The following RNF220 variants were observed in gnomAD, a reference collection of about 807,000 sequenced individuals.
RNF220 encodes E3 ubiquitin-protein ligase RNF220.
In RNF220, 7 loss-of-function variants were observed where a neutral mutation model predicts 67.1. That is an observed-to-expected ratio of 0.10 (90% CI 0.06 to 0.20). RNF220 has a LOEUF of 0.20. RNF220 is among the 10% of genes least tolerant of loss of function. RNF220 has a pLI of 1.00. For missense variants in RNF220, 565 were observed against 740.3 expected (o/e 0.76, Z 2.75); for synonymous variants, 270 against 283.2 (o/e 0.95, Z 0.47).
At position 44,580,359 on chromosome 1, in the gene RNF220, G is replaced by A. The variant is rs145151258; in HGVS notation, c.626-33806G>A. Among the ~76,000 whole-genome samples, 23 of 152,214 alleles carry A rather than the reference G, an allele frequency of 1.5e-4. 1 individual carries two copies. The East Asian group carries it at 4.2e-3, about 28-fold the overall frequency. ...CCTATGGGTCAGGATATTTGAAATC[G>A]GGTCATGTTGGAAATCACTGAATGG... On this transcript the variant is annotated intron_variant, in intron 2 of 14. Transcript: ENST00000361799.
intron 2 of RNF220, among the ~76,000 whole-genome samples, chr1:44,473,745 GTAGC>G (rs1655025483): frequency 6.6e-6 from 1 of 152,088 alleles, no homozygotes; most frequent in African/African-American, 2.4e-5. Context: ...TAATAATATC[GTAGC>G]TATCTCATCC....
At chr1:44,488,336 C>T (rs1656522697) in intron 2 of RNF220, among the ~76,000 whole-genome samples, 1 of 151,570 alleles carries the variant, frequency 6.6e-6, no homozygotes, top group Admixed American at 6.6e-5. Context: ...ACCATGTTGG[C>T]CAGGCTGGTC....
intron 2 of RNF220, among the ~76,000 whole-genome samples, chr1:44,429,044 A>G (rs546904237): frequency 6.6e-6 from 1 of 152,116 alleles, no homozygotes; most frequent in East Asian, 1.9e-4. Flanking sequence ...ATTTTCCCCA[A>G]AACTGTCTTT....
In RNF220 at chr1:44,644,987, C is replaced by T; in HGVS notation, c.1224-8C>T. 6.2e-7 allele frequency: 1 copy of T among 1,613,758 alleles called. No individual in the cohort carries two copies. The highest frequency in any genetic ancestry group is 8.5e-7 in the Non-Finnish European group (1 of 1,179,854). On this transcript the variant is annotated splice_region_variant and splice_polypyrimidine_tract_variant and intron_variant, in intron 9 of 14. Coordinates refer to ENST00000361799, the MANE Select transcript of RNF220 (RefSeq NM_018150.4). ...ACTAGGATCCATTGTCCTTGACCAC[C>T]ATGCCAGATACACAGAGGCTGATGT...
chr1:44,597,111 C>T (rs1009883989), intron 2 of RNF220, among the ~76,000 whole-genome samples: 3 of 152,150 alleles, frequency 2.0e-5, no homozygotes, highest in South Asian at 2.1e-4. Context: ...TAGAGTGCAT[C>T]CAGCTCCAAA....
At chr1:44,524,592 C>G (rs1660215276) in intron 2 of RNF220, among the ~76,000 whole-genome samples, 1 of 152,198 alleles carries the variant, frequency 6.6e-6, no homozygotes, top group Non-Finnish European at 1.5e-5. Flanking sequence ...CTCCCTGCGT[C>G]TTGCTCTGCC....
intron 3 of RNF220, among the ~76,000 whole-genome samples, chr1:44,616,094 A>T (rs457397): frequency 1.3e-5 from 2 of 152,152 alleles, no homozygotes; most frequent in Non-Finnish European, 2.9e-5. Flanking sequence ...TCCCTATGAC[A>T]TGGCAGCTGA....
chr1:44,636,932 C>A (rs1170994822), intron 8 of RNF220, among the ~76,000 whole-genome samples: 1 of 152,260 alleles, frequency 6.6e-6, no homozygotes, highest in African/African-American at 2.4e-5. Flanking sequence ...TTGTTAAACT[C>A]CCCAGCCTTG....
At position 44,527,931 on chromosome 1, in the gene RNF220, A is replaced by C. The variant is rs1212424632; in HGVS notation, c.626-86234A>C. Among the ~76,000 whole-genome samples the C allele has an allele frequency of 5.5e-5, 8 of 145,436 alleles. No individual in the cohort carries two copies. The East Asian group carries it at 1.2e-3, about 21-fold the overall frequency. On this transcript the variant is annotated intron_variant, in intron 2 of 14. Transcript: ENST00000361799. ...ACAGAGCAAGACTCCATCCCAAAAA[A>C]AAAAAAAAAAAAAAAAAAAAGTTAA...
At chr1:44,472,641 T>C (rs1286827083) in intron 2 of RNF220, among the ~76,000 whole-genome samples, 2 of 152,198 alleles carry the variant, frequency 1.3e-5, no homozygotes, top group African/African-American at 4.8e-5. Flanking sequence ...CATTTCTGAG[T>C]GTGCCACACA....
chr1:44,569,706 C>G (rs905013289), intron 2 of RNF220, among the ~76,000 whole-genome samples: 1 of 152,082 alleles, frequency 6.6e-6, no homozygotes, highest in African/African-American at 2.4e-5. Context: ...TGCTGAGAAG[C>G]CAGGGTCTGG....
At chr1:44,632,601 C>G (rs1268621825) in intron 6 of RNF220, 1 of 599,616 alleles carries the variant, frequency 1.7e-6, no homozygotes, top group African/African-American at 1.9e-5. Flanking sequence ...GCCCAAACCT[C>G]TCTAAAGGCC....
In RNF220 at chr1:44,606,604, T is replaced by A. The variant is rs574733661; in HGVS notation, c.626-7561T>A. Reference sequence around the variant, plus strand: ...TCTTGGCTTCAATGACATCACACTTTCCTTGTTTTCATTCTACCTCTTGGC... The same window carrying A: ...TCTTGGCTTCAATGACATCACACTTACCTTGTTTTCATTCTACCTCTTGGC... On this transcript the variant is annotated intron_variant, in intron 2 of 14. Transcript: ENST00000361799. The surrounding 1 kb of genome is among the most constrained non-coding windows in gnomAD (Gnocchi z 4.2). Among the ~76,000 whole-genome samples the A allele has an allele frequency of 3.3e-5, 5 of 152,364 alleles. No individual in the cohort carries two copies. The South Asian group carries it at 1.0e-3, about 32-fold the overall frequency.
At position 44,405,372 on chromosome 1, in the gene RNF220, C is replaced by T. The variant is rs1647235743; in HGVS notation, c.-276C>T. The T allele has an allele frequency of 1.6e-6, 1 of 612,676 alleles. No homozygotes were observed. The highest frequency in any genetic ancestry group is 2.9e-6 in the Non-Finnish European group (1 of 343,400). 38.0% of individuals were successfully genotyped at this position (612,676 alleles called of 1,614,324 possible). ...TCGCGAACACAAACCCGGGGCCAGC[C>T]GCCTACTGCTGCTGCTGCTGCTGCC... On this transcript the variant is annotated 5_prime_UTR_variant, in exon 1 of 15. Transcript: ENST00000361799.
intron 2 of RNF220, among the ~76,000 whole-genome samples, chr1:44,513,053 C>T (rs1659151171): frequency 6.6e-6 from 1 of 152,214 alleles, no homozygotes; most frequent in Non-Finnish European, 1.5e-5. Flanking sequence ...TCTTCTCTGA[C>T]TCTCTGCCCC....
At chr1:44,570,851 G>A (rs270757) in intron 2 of RNF220, among the ~76,000 whole-genome samples, 52,091 of 151,950 alleles carry the variant, frequency 0.34, 10,036 homozygotes, top group African/African-American at 0.53. Flanking sequence ...AGGCGGGTAG[G>A]TCATTTGAGG....
intron 2 of RNF220, among the ~76,000 whole-genome samples, chr1:44,543,209 C>T (rs1237416923): frequency 6.6e-6 from 1 of 152,152 alleles, no homozygotes; most frequent in Non-Finnish European, 1.5e-5. Flanking sequence ...GTCAGACCCC[C>T]CACCTTCGCC....
chr1:44,643,240 G>A (rs1029123078), intron 8 of RNF220: 1 of 152,282 alleles, frequency 6.6e-6, no homozygotes, highest in Non-Finnish European at 1.5e-5. Flanking sequence ...GGGTAGAAGG[G>A]AGAAGGATCA....
chr1:44,448,613 G>A (rs1336858510), intron 2 of RNF220, among the ~76,000 whole-genome samples: 3 of 152,192 alleles, frequency 2.0e-5, no homozygotes, highest in South Asian at 2.1e-4. Flanking sequence ...AATGAAGACT[G>A]TCTACACTTG....
Sources: gnomAD v4.1 joint callset for allele counts (sites outside exome capture counted in the v4.1 genomes callset) on GRCh38, gnomAD v4.1.1 for gene constraint, Gnocchi (gnomAD v3.1) non-coding constraint, MANE v1.5 for transcripts, NCBI Gene and HGNC (gene_info 2026-07-23, HGNC 2026-07-21) for gene names.